IPO11: variants seen among roughly 807,000 people sequenced by gnomAD.
IPO11 encodes importin-11.
In IPO11, 66 loss-of-function variants were observed where a neutral mutation model predicts 143.2. That is an observed-to-expected ratio of 0.46 (90% CI 0.38 to 0.57). The LOEUF (loss-of-function observed/expected upper bound fraction) is 0.57. Among genes scored for constraint, IPO11 ranks in the 20% least tolerant of loss-of-function variants. IPO11 has a pLI of 0.00. For synonymous variants in IPO11, 385 were observed against 377.8 expected (o/e 1.02, Z -0.22); for missense variants, 1,026 against 1,141.0 (o/e 0.90, Z 1.45).
chr5:62,627,413 A>T lies in IPO11; in HGVS notation c.*95A>T. 1.7e-6 allele frequency: 2 copies of T among 1,168,790 alleles called. No individual in the cohort carries two copies. The highest frequency in any genetic ancestry group is 2.4e-6 in the Non-Finnish European group (2 of 836,954). The allele number at this position is 1,168,790 out of a possible 1,614,324, so 72.4% of individuals were successfully genotyped here. On this transcript the variant is annotated 3_prime_UTR_variant, in exon 30 of 30. Transcript: ENST00000325324. ...GAGAGCCTGCTGAGATGAAGAAATC[A>T]CTTCATGAAAATAAGCAAAGACCAC...
chr5:62,476,215 G>A (rs1381278014), intron 8 of IPO11, among the ~76,000 whole-genome samples: 1 of 152,028 alleles, frequency 6.6e-6, no homozygotes, highest in Non-Finnish European at 1.5e-5. Context: ...AATATGAAGA[G>A]TATTATTAGA....
chr5:62,544,037 G>A (rs955739507), intron 24 of IPO11, among the ~76,000 whole-genome samples: 16 of 152,078 alleles, frequency 1.1e-4, no homozygotes, highest in African/African-American at 3.6e-4. Flanking sequence ...TAGTTTGATT[G>A]CACTGTGGTC....
chr5:62,540,633 T>C (rs1267025418), intron 24 of IPO11, among the ~76,000 whole-genome samples: 1 of 152,254 alleles, frequency 6.6e-6, no homozygotes, highest in Non-Finnish European at 1.5e-5. Context: ...GGTTAGAACA[T>C]TGGCTCTGCT....
chr5:62,435,896 G>A (rs190896517), intron 1 of IPO11, among the ~76,000 whole-genome samples: 270 of 152,286 alleles, frequency 1.8e-3, no homozygotes, highest in African/African-American at 6.3e-3. Flanking sequence ...GGGCTTGGTG[G>A]TGTGCGCCTG....
chr5:62,476,658 A>G (rs186170089), intron 8 of IPO11, 25 bp from the exon 9 acceptor site: 125 of 1,502,690 alleles, frequency 8.3e-5, no homozygotes, highest in Middle Eastern at 3.5e-4. Context: ...ATTAACTTCT[A>G]ATATTTGAAA....
At chr5:62,418,926 C>T in intron 1 of IPO11, 2 of 1,450,130 alleles carry the variant, frequency 1.4e-6, no homozygotes, top group Non-Finnish European at 1.8e-6. Flanking sequence ...AAGATACAGT[C>T]ACGAGTTGCT....
intron 19 of IPO11, among the ~76,000 whole-genome samples, chr5:62,513,288 C>A (rs560785454): frequency 1.5e-4 from 13 of 88,730 alleles, no homozygotes; most frequent in African/African-American, 7.8e-4. Context: ...CCCTCCCGGA[C>A]GGGGCGGCTG....
Position 62,435,092 on chromosome 5 carries a change from GTATATATGTATATATA to G in IPO11, c.-6-2180_-6-2165del, listed in dbSNP as rs1347601342. ...TATATGTATATATATGTGTATATAT[GTATATATGTATATATA>G]TGTATATATGTATATATGTATATAT... On this transcript the variant is annotated intron_variant, in intron 1 of 29. Coordinates refer to ENST00000325324, the MANE Select transcript of IPO11 (RefSeq NM_016338.5). Among the ~76,000 whole-genome samples the G allele has an allele frequency of 4.6e-3, 267 of 58,044 alleles. 12 individuals carry two copies. The highest frequency in any genetic ancestry group is 0.012 in the African/African-American group (190 of 16,478). 38.1% of individuals were successfully genotyped at this position (58,044 alleles called of 152,430 possible).
In IPO11 at chr5:62,456,016, T is replaced by A. The variant is rs1292795346; in HGVS notation, c.516+4083T>A. Among the ~76,000 whole-genome samples the A allele has an allele frequency of 2.0e-5, 3 of 152,126 alleles. No homozygotes were observed. In the East Asian group the frequency reaches 5.8e-4, roughly 29 times the overall value. On this transcript the variant is annotated intron_variant, in intron 5 of 29. Transcript: ENST00000325324. Reference sequence around the variant, plus strand: ...CTGGGATTACAGGCGTGTACCACTGTGCCTGGCCAGGAATTCATTTTCTTT... The same window carrying A: ...CTGGGATTACAGGCGTGTACCACTGAGCCTGGCCAGGAATTCATTTTCTTT...
At chr5:62,451,045 G>A (rs183075645) in intron 4 of IPO11, among the ~76,000 whole-genome samples, 136 of 152,218 alleles carry the variant, frequency 8.9e-4, no homozygotes, top group Non-Finnish European at 1.6e-3. Context: ...GATTAGGGAG[G>A]GGTTTGTGTT....
chr5:62,588,666 T>G (rs991221359), intron 27 of IPO11, among the ~76,000 whole-genome samples: 29 of 152,320 alleles, frequency 1.9e-4, no homozygotes, highest in African/African-American at 6.7e-4. Context: ...CCTCAGCTCT[T>G]TAAACCCCGC....
chr5:62,624,408 T>G (rs955378638), intron 29 of IPO11, among the ~76,000 whole-genome samples: 1 of 152,150 alleles, frequency 6.6e-6, no homozygotes, highest in Non-Finnish European at 1.5e-5. Context: ...AATACCACCA[T>G]GGCATTTGTA....
intron 27 of IPO11, among the ~76,000 whole-genome samples, chr5:62,582,904 A>G (rs895225273): frequency 2.6e-5 from 4 of 152,192 alleles, no homozygotes; most frequent in Non-Finnish European, 5.9e-5. Flanking sequence ...TTTTCTTAAT[A>G]TATTTGAGAG....
intron 26 of IPO11, among the ~76,000 whole-genome samples, chr5:62,559,339 A>G (rs769637612): frequency 1.3e-5 from 2 of 152,174 alleles, no homozygotes; most frequent in Non-Finnish European, 2.9e-5. Flanking sequence ...GGCGAAGGAT[A>G]ATGAACAGTA....
chr5:62,543,380 T>G (rs1743032514), intron 24 of IPO11, among the ~76,000 whole-genome samples: 2 of 152,190 alleles, frequency 1.3e-5, no homozygotes, highest in Non-Finnish European at 2.9e-5. Context: ...ATTGGTCTAT[T>G]CAGGGATTCA....
intron 1 of IPO11, among the ~76,000 whole-genome samples, chr5:62,416,001 AT>A (rs144027156): frequency 6.6e-6 from 1 of 151,742 alleles, no homozygotes; most frequent in African/African-American, 2.4e-5. Context: ...AAACAAGAGA[AT>A]TTTTTTTCTC....
intron 4 of IPO11, among the ~76,000 whole-genome samples, chr5:62,451,039 A>T (rs966824957): frequency 7.2e-5 from 11 of 152,262 alleles, no homozygotes; most frequent in African/African-American, 2.6e-4. Context: ...GGAGGTGATT[A>T]GGGAGGGGTT....
intron 16 of IPO11, among the ~76,000 whole-genome samples, chr5:62,497,923 C>G (rs190166899): frequency 6.6e-6 from 1 of 152,122 alleles, no homozygotes; most frequent in African/African-American, 2.4e-5. Flanking sequence ...GTGGTCCATA[C>G]GGCTGTCTCT....
chr5:62,475,298 G>A (rs1461501408), intron 8 of IPO11, among the ~76,000 whole-genome samples: 2 of 152,140 alleles, frequency 1.3e-5, no homozygotes, highest in Non-Finnish European at 2.9e-5. Flanking sequence ...AGGCGAGTGA[G>A]TCGCTTGAGC....
Sources: gnomAD v4.1 joint callset for allele counts (sites outside exome capture counted in the v4.1 genomes callset) on GRCh38, gnomAD v4.1.1 for gene constraint, MANE v1.5 for transcripts, NCBI Gene and HGNC (gene_info 2026-07-23, HGNC 2026-07-21) for gene names.